The following AOAH variants were observed in gnomAD, a reference collection of about 807,000 sequenced individuals.
AOAH encodes the protein acyloxyacyl hydrolase (neutrophil).
Under a neutral mutation model 92.2 loss-of-function variants are expected in AOAH, and 64 were observed. That is an observed-to-expected ratio of 0.69 (90% CI 0.57 to 0.86). AOAH has a LOEUF of 0.86. Ranked by LOEUF, AOAH falls within the 40% of genes least tolerant of loss-of-function variation. The probability of loss-of-function intolerance (pLI) is 0.00; values close to 1 mark genes in which losing one functional copy is unlikely to be tolerated. For synonymous variants in AOAH, 263 were observed against 254.5 expected (o/e 1.03, Z -0.32); for missense variants, 656 against 694.6 (o/e 0.94, Z 0.62).
intron 1 of AOAH, among the ~76,000 whole-genome samples, chr7:36,701,732 C>A (rs1798048306): frequency 6.6e-6 from 1 of 151,672 alleles, no homozygotes; most frequent in East Asian, 1.9e-4. Context: ...TTAGATGTTG[C>A]CTTTTAAAAT....
intron 4 of AOAH, among the ~76,000 whole-genome samples, chr7:36,642,605 C>A (rs1015801333): frequency 2.6e-5 from 4 of 152,190 alleles, no homozygotes; most frequent in African/African-American, 9.7e-5. Context: ...TGTTCTCGAC[C>A]TTGAGCTAAG....
chr7:36,600,391 T>G (rs532254926), intron 11 of AOAH, among the ~76,000 whole-genome samples: 1 of 151,978 alleles, frequency 6.6e-6, no homozygotes, highest in African/African-American at 2.4e-5. Flanking sequence ...ATGAGCACCT[T>G]CCCTTGTTGA....
At chr7:36,649,307 T>G (rs1794427899) in intron 4 of AOAH, among the ~76,000 whole-genome samples, 1 of 152,208 alleles carries the variant, frequency 6.6e-6, no homozygotes, top group South Asian at 2.1e-4. Context: ...GGGAGAGACT[T>G]GAGCGGGTTA....
intron 20 of AOAH, chr7:36,514,339 TG>T: frequency 1.6e-6 from 1 of 628,292 alleles, no homozygotes; most frequent in Non-Finnish European, 2.7e-6. Flanking sequence ...GGAGGCTGGC[TG>T]GGTCCCTGAC....
chr7:36,715,864 T>C (rs2117005752), intron 1 of AOAH, among the ~76,000 whole-genome samples: 1 of 152,128 alleles, frequency 6.6e-6, no homozygotes, highest in African/African-American at 2.4e-5. Context: ...CCTAAAACCA[T>C]AAAAACCCTA....
chr7:36,647,634 C>A (rs952833237), intron 4 of AOAH, among the ~76,000 whole-genome samples: 5 of 152,096 alleles, frequency 3.3e-5, no homozygotes, highest in South Asian at 2.1e-4. Flanking sequence ...AGTTTTAACA[C>A]CTCTATGAGT....
chr7:36,513,791 C>T (rs912107796), intron 20 of AOAH, among the ~76,000 whole-genome samples: 9 of 152,266 alleles, frequency 5.9e-5, no homozygotes, highest in Admixed American at 2.6e-4. Flanking sequence ...CAGATGAGTC[C>T]CCGGATGAGA....
chr7:36,655,756 T>C (rs571779507), intron 4 of AOAH, among the ~76,000 whole-genome samples: 31 of 152,252 alleles, frequency 2.0e-4, no homozygotes, highest in African/African-American at 7.5e-4. Context: ...CAATACACAT[T>C]TCCTTGGTAT....
intron 16 of AOAH, among the ~76,000 whole-genome samples, chr7:36,538,435 A>G (rs1785222230): frequency 6.6e-6 from 1 of 152,180 alleles, no homozygotes; most frequent in South Asian, 2.1e-4. Context: ...ATGTCTCATA[A>G]ATCAAGTGAA....
intron 13 of AOAH, among the ~76,000 whole-genome samples, chr7:36,562,650 C>T (rs370949320): frequency 3.3e-5 from 5 of 152,170 alleles, no homozygotes; most frequent in African/African-American, 1.2e-4. Context: ...ATTGGTTATC[C>T]CTCCATAAAT....
intron 11 of AOAH, among the ~76,000 whole-genome samples, chr7:36,604,265 T>G (rs928082782): frequency 6.6e-6 from 1 of 152,218 alleles, no homozygotes; most frequent in Non-Finnish European, 1.5e-5. Context: ...AATAAGATAA[T>G]GTTAAATAGG....
At chr7:36,551,157 TC>T (rs1157607146) in intron 13 of AOAH, among the ~76,000 whole-genome samples, 1 of 151,012 alleles carries the variant, frequency 6.6e-6, no homozygotes, top group Non-Finnish European at 1.5e-5. Context: ...TACTGCAATC[TC>T]TGCCTCCTGG....
intron 11 of AOAH, among the ~76,000 whole-genome samples, chr7:36,600,936 A>G (rs114033376): frequency 0.011 from 1,611 of 152,246 alleles, 17 homozygotes; most frequent in African/African-American, 0.019. Flanking sequence ...TGCAGAATGA[A>G]TATTTTGGGG....
At chr7:36,683,543 G>A (rs1399042576) in intron 2 of AOAH, among the ~76,000 whole-genome samples, 4 of 152,064 alleles carry the variant, frequency 2.6e-5, no homozygotes, top group Non-Finnish European at 5.9e-5. Context: ...TATTAATGAT[G>A]GTATCATTAG....
At chr7:36,711,676 C>T (rs762816114) in intron 1 of AOAH, among the ~76,000 whole-genome samples, 28 of 152,260 alleles carry the variant, frequency 1.8e-4, no homozygotes, top group Admixed American at 9.2e-4. Context: ...GTAAAGGGCA[C>T]GTGCAGAGGG....
intron 13 of AOAH, among the ~76,000 whole-genome samples, chr7:36,568,417 G>A (rs17170635): frequency 0.4 from 60,369 of 151,924 alleles, 12,396 homozygotes; most frequent in East Asian, 0.53. Flanking sequence ...AAATATTTTG[G>A]TGCCTCTCAA....
intron 4 of AOAH, among the ~76,000 whole-genome samples, chr7:36,642,789 G>A (rs763505379): frequency 3.9e-5 from 6 of 152,222 alleles, no homozygotes; most frequent in African/African-American, 9.6e-5. Context: ...CAAAACATCC[G>A]TCTTCAATAG....
intron 3 of AOAH, among the ~76,000 whole-genome samples, chr7:36,669,331 A>C (rs1271359569): frequency 6.6e-6 from 1 of 150,698 alleles, no homozygotes; most frequent in Non-Finnish European, 1.5e-5. Flanking sequence ...ATTTCTATAA[A>C]TCTTGTAATT....
intron 16 of AOAH, among the ~76,000 whole-genome samples, chr7:36,533,765 A>G (rs1274276315): frequency 6.6e-6 from 1 of 152,020 alleles, no homozygotes; most frequent in African/African-American, 2.4e-5. Flanking sequence ...AGTGACTGAC[A>G]TCTTCCTTCT....
Sources: allele counts gnomAD v4.1 joint callset (sites outside exome capture counted in the v4.1 genomes callset), GRCh38; gene constraint gnomAD v4.1.1; transcripts MANE v1.5; gene names NCBI Gene and HGNC (gene_info 2026-07-23, HGNC 2026-07-21).